Variants in IFI44 observed in about 807,000 individuals in gnomAD.
IFI44 encodes interferon-induced protein 44.
In IFI44, 42 loss-of-function variants were observed where a neutral mutation model predicts 45.0. The ratio of observed to expected loss-of-function variants is 0.93; its 90% confidence interval spans 0.73 to 1.21. IFI44 has a LOEUF of 1.21. Among genes scored for constraint, IFI44 ranks in the 50% most tolerant of loss-of-function variants. IFI44 has a pLI of 0.00. For missense variants in IFI44, 623 were observed against 525.8 expected, an observed-to-expected ratio of 1.18 and a Z score of -1.81; for synonymous variants, 221 against 188.6, an observed-to-expected ratio of 1.17 and a Z score of -1.41.
rs775260426 is a variant in IFI44, at chr1:78,650,429, C to T, written c.234C>T (p.Ile78=). The T allele has an allele frequency of 6.2e-7, 1 of 1,612,856 alleles. No homozygotes were observed. The highest frequency in any genetic ancestry group is 8.5e-7 in the Non-Finnish European group (1 of 1,178,870). ...SYQEGKYASI[I]LFALQDTKIS... Reference sequence around the variant, plus strand: ...AGGAAGGAAAGTATGCTTCCATCATCCTTTTTGCACTTCAAGATACTAAAA... The same window carrying T: ...AGGAAGGAAAGTATGCTTCCATCATTCTTTTTGCACTTCAAGATACTAAAA... The change falls in exon 2 of 9, where the codon ATC becomes ATT. Residue 78 remains isoleucine, a synonymous_variant. Coordinates refer to ENST00000370747, the MANE Select transcript of IFI44 (RefSeq NM_006417.5).
chr1:78,650,439 C>A lies in IFI44; in HGVS notation c.244C>A (p.Leu82Ile), dbSNP rs1256650038. Residue 82 changes from leucine to isoleucine, a missense_variant, in exon 2 of 9, where the codon CTT (leucine) becomes ATT (isoleucine). Coordinates refer to ENST00000370747, the MANE Select transcript of IFI44 (RefSeq NM_006417.5). The stretch of plus-strand genomic sequence containing the variant: ...GTATGCTTCCATCATCCTTTTTGCA[C>A]TTCAAGATACTAAAATTTCAGAATG... ...GKYASIILFALQDTKISEWKL... is the reference protein window; with the variant it reads ...GKYASIILFAIQDTKISEWKL... 4 of 1,613,828 alleles carry A rather than the reference C, an allele frequency of 2.5e-6. No individual in the cohort carries two copies.
At chr1:78,660,453 C>T in intron 6 of IFI44, 101 bp from the exon 7 acceptor site, 2 of 860,458 alleles carry the variant, frequency 2.3e-6, no homozygotes, top group Non-Finnish European at 3.7e-6. Context: ...CTTTCCAAAT[C>T]TGAAATTGTT....
intron 3 of IFI44, among the ~76,000 whole-genome samples, chr1:78,654,655 A>G (rs1442952852): frequency 1.3e-5 from 2 of 151,810 alleles, no homozygotes; most frequent in Non-Finnish European, 2.9e-5. Context: ...ACTTTCATGA[A>G]CTTCAGAAGT....
At position 78,650,566 on chromosome 1, in the gene IFI44, T is replaced by C; in HGVS notation, c.371T>C (p.Ile124Thr). 2 of 1,613,526 alleles carry C rather than the reference T, an allele frequency of 1.2e-6. No individual in the cohort carries two copies. The highest frequency in any genetic ancestry group is 1.7e-6 in the Non-Finnish European group (2 of 1,179,602). Residue 124 changes from isoleucine (I) to threonine (T), a missense_variant, in exon 2 of 9, where the codon ATT (isoleucine) becomes ACT (threonine). Ile to Thr is a moderately conservative substitution (Grantham distance 89). Transcript: ENST00000370747. ...FQIDGRNRKV[I>T]MDLKTMENLG... ...ATAGATGGAAGAAATAGAAAAGTGA[T>C]TATGGACTTAAAGACAATGGAAAAT...
intron 2 of IFI44, 34 bp downstream of exon 2, chr1:78,650,686 T>G: frequency 7.3e-7 from 1 of 1,370,670 alleles, no homozygotes; most frequent in Non-Finnish European, 1.0e-6. Flanking sequence ...TAGAGAGTTC[T>G]CCCTTGCATG....
At chr1:78,653,799 T>C (rs1294781436) in intron 2 of IFI44, among the ~76,000 whole-genome samples, 1 of 152,190 alleles carries the variant, frequency 6.6e-6, no homozygotes, top group East Asian at 1.9e-4. Flanking sequence ...GCCTGTGTTT[T>C]CTGTTTTTGT....
chr1:78,655,495 T>A lies in IFI44; in HGVS notation c.824T>A (p.Ile275Asn). 6.2e-7 allele frequency: 1 copy of A among 1,608,450 alleles called. No individual in the cohort carries two copies. The highest frequency in any genetic ancestry group is 8.5e-7 in the Non-Finnish European group (1 of 1,178,358). Residue 275 changes from isoleucine to asparagine, a missense_variant, in exon 5 of 9, where the codon ATT becomes AAT. By Grantham distance (149) the Ile-to-Asn change is moderately radical (BLOSUM62 -3). Transcript: ENST00000370747. ...ATATTCTATATCTTGAACGGTAACA[T>A]TCGTGATAGATACCAGGTAATATTT... ...DDIFYILNGNIRDRYQFNPME... is the reference protein window; with the variant it reads ...DDIFYILNGNNRDRYQFNPME...
At chr1:78,654,689 A>G (rs917462786) in intron 3 of IFI44, among the ~76,000 whole-genome samples, 1 of 151,894 alleles carries the variant, frequency 6.6e-6, no homozygotes, top group African/African-American at 2.4e-5. Context: ...ACTTATATAT[A>G]TGTGACACAA....
At chr1:78,659,077 T>G (rs914388037) in intron 5 of IFI44, among the ~76,000 whole-genome samples, 4 of 152,092 alleles carry the variant, frequency 2.6e-5, no homozygotes, top group Non-Finnish European at 5.9e-5. Flanking sequence ...TCACTCCTGC[T>G]ATTTTAGCTC....
rs2070123 is a variant in IFI44, at chr1:78,650,220, T to C, written c.25T>C (p.Trp9Arg). 0.088 allele frequency: 141,858 copies of C among 1,605,474 alleles called. 6,866 individuals are homozygous for C. Among genetic ancestry groups the C allele is most frequent in the East Asian group, 0.14 (6,197 of 44,574 alleles). ...TATGGCAGTGACAACTCGTTTGACA[T>C]GGTTGCACGAAAAGATCCTGCAAAA... MAVTTRLT[W>R]LHEKILQNHF... is the part of the protein sequence containing the mutation. The change falls in exon 2 of 9, where the codon TGG (tryptophan) becomes CGG (arginine). Residue 9 changes from tryptophan to arginine, a missense_variant. Physicochemically the swap from Trp to Arg is moderately radical, Grantham distance 101. Coordinates refer to ENST00000370747, the MANE Select transcript of IFI44 (RefSeq NM_006417.5).
In IFI44 at chr1:78,662,863, C is replaced by T. The variant is rs1647547310; in HGVS notation, c.1273C>T (p.Pro425Ser). The change falls in exon 8 of 9, where the codon CCT becomes TCT. Residue 425 changes from proline (P) to serine (S), a missense_variant. By Grantham distance (74) the Pro-to-Ser change is moderately conservative. Coordinates refer to ENST00000370747, the MANE Select transcript of IFI44 (RefSeq NM_006417.5). ...TGCAGATGACTTCTTAGAGGATTTG[C>T]CTTTTGAGCAAATAGGTAGATGGTT... ...WAADDFLEDL[P>S]FEQIGNLREE... is the part of the protein sequence containing the mutation. 1.2e-6 allele frequency: 2 copies of T among 1,601,402 alleles called. No homozygotes were observed. The highest frequency in any genetic ancestry group is 1.4e-5 in the African/African-American group (1 of 69,996).
At chr1:78,651,393 G>A (rs990195191) in intron 2 of IFI44, among the ~76,000 whole-genome samples, 1 of 152,058 alleles carries the variant, frequency 6.6e-6, no homozygotes, top group Non-Finnish European at 1.5e-5. Flanking sequence ...TTCATAATAT[G>A]GTTTGCGCTC....
At position 78,663,769 on chromosome 1, in the gene IFI44, T is replaced by C. The variant is rs1647606679; in HGVS notation, c.1293T>C (p.Asn431=). The C allele has an allele frequency of 6.2e-7, 1 of 1,611,878 alleles. No individual in the cohort carries two copies. The highest frequency in any genetic ancestry group is 8.5e-7 in the Non-Finnish European group (1 of 1,179,302). ...LEDLPFEQIG[N]LREEIINCAQ... ...ATTTTGTGTTTCTTTTCTCAGGGAA[T>C]CTAAGGGAGGAAATTATCAACTGTG... The change falls in exon 9 of 9, where the codon AAT becomes AAC. Residue 431 remains asparagine, a synonymous_variant. Coordinates refer to ENST00000370747, the MANE Select transcript of IFI44 (RefSeq NM_006417.5).
chr1:78,650,100 A>G (rs1029094690), intron 1 of IFI44, 86 bp from the exon 2 acceptor site: 1 of 856,786 alleles, frequency 1.2e-6, no homozygotes, highest in African/African-American at 1.7e-5. Context: ...TATGTAGAGT[A>G]TATAAGAGGC....
chr1:78,659,306 T>A lies in IFI44; in HGVS notation c.841-6T>A. Reference sequence around the variant, plus strand: ...ATTAATATCTTGCTTTATGTCTACCTTACAGTTTAATCCCATGGAATCAAT... The same window carrying A: ...ATTAATATCTTGCTTTATGTCTACCATACAGTTTAATCCCATGGAATCAAT... On this transcript the variant is annotated splice_region_variant and splice_polypyrimidine_tract_variant and intron_variant, in intron 5 of 8. Transcript: ENST00000370747. 6.2e-7 allele frequency: 1 copy of A among 1,605,120 alleles called. No individual in the cohort carries two copies. The highest frequency in any genetic ancestry group is 8.5e-7 in the Non-Finnish European group (1 of 1,172,556).
Position 78,655,354 on chromosome 1 carries a change from C to A in IFI44, c.691-8C>A, listed in dbSNP as rs1163078331. 6.3e-7 allele frequency: 1 copy of A among 1,592,236 alleles called. No individual in the cohort carries two copies. The highest frequency in any genetic ancestry group is 1.2e-5 in the South Asian group (1 of 86,590). ...GAATCTTTAAAATTGCTTTTCTCCC[C>A]TCTACAGTATAGGACATACTCTATT... On this transcript the variant is annotated splice_region_variant and splice_polypyrimidine_tract_variant and intron_variant, in intron 4 of 8. Transcript: ENST00000370747.
intron 8 of IFI44, 31 bp from the exon 9 acceptor site, chr1:78,663,734 C>T (rs371072523): frequency 3.7e-5 from 59 of 1,607,026 alleles, no homozygotes; most frequent in Non-Finnish European, 4.9e-5. Flanking sequence ...TGAGATAATC[C>T]ACTAAGAATA....
At position 78,650,502 on chromosome 1, in the gene IFI44, T is replaced by A. The variant is rs758692301; in HGVS notation, c.307T>A (p.Cys103Ser). 6.2e-7 allele frequency: 1 copy of A among 1,614,046 alleles called. No homozygotes were observed. The highest frequency in any genetic ancestry group is 8.5e-7 in the Non-Finnish European group (1 of 1,179,914). Residue 103 changes from cysteine to serine, a missense_variant, in exon 2 of 9, where the codon TGT (cysteine) becomes AGT (serine). Cys to Ser is a moderately radical substitution (Grantham distance 112). Transcript: ENST00000370747. ...GLCTPETLFC[C>S]DVTKYNSPTN... ...ATGTACACCAGAAACACTGTTTTGT[T>A]GTGATGTTACAAAATATAACTCCCC...
chr1:78,655,030 C>T lies in IFI44; in HGVS notation c.511C>T (p.Leu171=). ...KGVIELRKSL[L]SALRTYEPYG... ...TCTAAACAGGCTCAGGAAGAGCTTA[C>T]TGTCTGCCTTGAGAACTTATGAACC... is the stretch of plus-strand genomic sequence containing the variant. Residue 171 remains leucine (L), a synonymous_variant, in exon 4 of 9, where the codon CTG becomes TTG. Transcript: ENST00000370747. 3 of 1,612,700 alleles carry T rather than the reference C, an allele frequency of 1.9e-6. No individual in the cohort carries two copies. The highest frequency in any genetic ancestry group is 2.5e-6 in the Non-Finnish European group (3 of 1,179,192).
Sources: gnomAD v4.1 joint callset for allele counts (sites outside exome capture counted in the v4.1 genomes callset) on GRCh38, gnomAD v4.1.1 for gene constraint, MANE v1.5 for transcripts, NCBI Gene and HGNC (gene_info 2026-07-23, HGNC 2026-07-21) for gene names.